Variants in CPLANE1 observed in about 807,000 individuals in gnomAD.
CPLANE1 encodes ciliogenesis and planar polarity effector complex subunit 1, also known as ciliogenesis and planar polarity effector 1.
In CPLANE1, 263 loss-of-function variants were observed where a neutral mutation model predicts 362.5. That is an observed-to-expected ratio of 0.73 (90% confidence interval 0.66 to 0.80). The LOEUF (loss-of-function observed/expected upper bound fraction) is 0.80. Among genes scored for constraint, CPLANE1 ranks in the 30% least tolerant of loss-of-function variants. The pLI, the probability that CPLANE1 is intolerant of heterozygous loss-of-function variation, is 0.00. For missense variants in CPLANE1, 3,461 were observed against 3,793.4 expected (o/e 0.91, Z 2.30); for synonymous variants, 1,212 against 1,302.6 (o/e 0.93, Z 1.50).
At chr5:37,147,178 A>G (rs1192317543) in intron 43 of CPLANE1, among the ~76,000 whole-genome samples, 1 of 152,224 alleles carries the variant, frequency 6.6e-6, no homozygotes, top group Non-Finnish European at 1.5e-5. Flanking sequence ...ATACACATAC[A>G]CTACATACAA....
the CPLANE1 span, among the ~76,000 whole-genome samples, chr5:37,092,118 G>A: frequency 8.5e-5 from 13 of 152,088 alleles, no homozygotes; most frequent in South Asian, 4.1e-4. Flanking sequence ...TCTTAGACCC[G>A]CCTTTCTTTC....
At position 37,187,725 on chromosome 5, in the gene CPLANE1, G is replaced by C. The variant is rs1341131480; in HGVS notation, c.3921+8C>G. On this transcript the variant is annotated splice_region_variant and intron_variant, in intron 22 of 52. Coordinates refer to ENST00000651892, the MANE Select transcript of CPLANE1 (RefSeq NM_001384732.1). ...GTTCATTTTTCTTATTTTTGCCCTG[G>C]TAAATACCTTTTCTCCTTTTACATT... The C allele has an allele frequency of 1.9e-6, 3 of 1,607,112 alleles. No homozygotes were observed. Among genetic ancestry groups the C allele is most frequent in the Non-Finnish European group, 2.6e-6 (3 of 1,175,352 alleles).
chr5:37,192,932 G>A (rs556949240), intron 21 of CPLANE1, among the ~76,000 whole-genome samples: 1 of 151,328 alleles, frequency 6.6e-6, no homozygotes, highest in Non-Finnish European at 1.5e-5. Context: ...ACTTTGGGAG[G>A]CCGAGGCAGG....
rs577856327 is a variant in CPLANE1, at chr5:37,132,431, A to G, written c.8792+6289T>C. On this transcript the variant is annotated intron_variant, in intron 46 of 52. Transcript: ENST00000651892. Reference sequence around the variant, plus strand: ...GCAATCTCGGCTCACTGCAAGCTCCACCTCCCAAGTTCACGCCATTCTCCT... The same window carrying G: ...GCAATCTCGGCTCACTGCAAGCTCCGCCTCCCAAGTTCACGCCATTCTCCT... Among the ~76,000 whole-genome samples, 148 of 132,336 alleles carry G rather than the reference A, an allele frequency of 1.1e-3. No individual in the cohort carries two copies. The Middle Eastern group carries it at 0.013, about 12-fold the overall frequency. The allele number at this position is 132,336 out of a possible 152,430, so 86.8% of individuals were successfully genotyped here.
Position 37,226,814 on chromosome 5 carries a change from A to T in CPLANE1, c.1781T>A (p.Met594Lys). ...ISKTVTEKNLMLNYIVVCITH... is the reference protein window; with the variant it reads ...ISKTVTEKNLKLNYIVVCITH... Reference sequence around the variant, plus strand: ...GATACAAACTACTATGTAATTTAACATTAAATTTTTTTCTGTCACAGTTTT... The same window carrying T: ...GATACAAACTACTATGTAATTTAACTTTAAATTTTTTTCTGTCACAGTTTT... Residue 594 changes from methionine (M) to lysine (K), a missense_variant, in exon 12 of 53, where the codon ATG (methionine) becomes AAG (lysine). Around this residue, in one of 2 missense-constraint regions of CPLANE1, gnomAD observed 3,380 missense variants for 3,666.1 expected, o/e 0.92. Coordinates refer to ENST00000651892, the MANE Select transcript of CPLANE1 (RefSeq NM_001384732.1). 1 of 1,549,930 alleles carries T rather than the reference A, an allele frequency of 6.5e-7. No individual in the cohort carries two copies. The highest frequency in any genetic ancestry group is 8.7e-7 in the Non-Finnish European group (1 of 1,146,334).
chr5:37,205,955 T>G (rs1016358473), intron 17 of CPLANE1, among the ~76,000 whole-genome samples: 2 of 152,228 alleles, frequency 1.3e-5, no homozygotes, highest in Non-Finnish European at 2.9e-5. Flanking sequence ...TGTGGCTATT[T>G]TAATTTAAAT....
At chr5:37,220,322 T>A (rs1795088471) in intron 15 of CPLANE1, among the ~76,000 whole-genome samples, 1 of 152,016 alleles carries the variant, frequency 6.6e-6, no homozygotes, top group Non-Finnish European at 1.5e-5. Flanking sequence ...GAAATTGCTA[T>A]CAACTCTGTT....
chr5:37,176,079 A>G, intron 30 of CPLANE1, 93 bp from the exon 31 acceptor site: 1 of 785,610 alleles, frequency 1.3e-6, no homozygotes. Context: ...CTAAGAGTCT[A>G]AACATCCTCT....
intron 42 of CPLANE1, among the ~76,000 whole-genome samples, chr5:37,151,824 G>A (rs1773641543): frequency 6.6e-6 from 1 of 152,004 alleles, no homozygotes; most frequent in African/African-American, 2.4e-5. Context: ...TGAGGTGGGA[G>A]GATCACTTGG....
chr5:37,142,150 C>T, intron 44 of CPLANE1, 160 bp downstream of exon 44: 1 of 1,243,254 alleles, frequency 8.0e-7, no homozygotes, highest in Non-Finnish European at 1.0e-6. Context: ...TGTCACAGTT[C>T]TTCATGTGAC....
intron 21 of CPLANE1, among the ~76,000 whole-genome samples, chr5:37,191,695 T>C (rs977357713): frequency 1.3e-5 from 2 of 152,042 alleles, no homozygotes; most frequent in African/African-American, 2.4e-5. Flanking sequence ...AATTAGCTGG[T>C]ACAGTGGCTT....
At chr5:37,224,078 A>G (rs931173200) in intron 14 of CPLANE1, among the ~76,000 whole-genome samples, 175 bp downstream of exon 14, 1 of 152,196 alleles carries the variant, frequency 6.6e-6, no homozygotes. Context: ...TGGCATTAGG[A>G]TATCATAAGC....
At chr5:37,087,520 G>A in the CPLANE1 span, among the ~76,000 whole-genome samples, 3 of 152,306 alleles carry the variant, frequency 2.0e-5, no homozygotes, top group South Asian at 2.1e-4. Context: ...GCAGTGGCGC[G>A]ATCTCGGCTC....
chr5:37,223,715 G>A (rs1237230154), intron 14 of CPLANE1, among the ~76,000 whole-genome samples: 2 of 152,088 alleles, frequency 1.3e-5, no homozygotes, highest in Non-Finnish European at 1.5e-5. Flanking sequence ...GCAATGATAC[G>A]TTTAACTTAC....
rs760244058 is a variant in CPLANE1 at position 37,182,910 on chromosome 5, C to A, written c.5271G>T (p.Arg1757Ser). ...CAGTTATACCAGAATCACAGAGTAG[C>A]CTTCTATTAGACCACCTTATCATCC... Reference protein sequence around the residue: ...LEWMIRWSNRRLLCDSGITES... With the variant: ...LEWMIRWSNRSLLCDSGITES... The change falls in exon 26 of 53, where the codon AGG becomes AGT. Residue 1757 changes from arginine to serine, a missense_variant. Arg to Ser is a moderately radical substitution (Grantham distance 110, BLOSUM62 -1). Around this residue, in one of 2 missense-constraint regions of CPLANE1, gnomAD observed 3,380 missense variants for 3,666.1 expected, o/e 0.92. Coordinates refer to ENST00000651892, the MANE Select transcript of CPLANE1 (RefSeq NM_001384732.1). The A allele has an allele frequency of 8.7e-6, 14 of 1,606,426 alleles. No homozygotes were observed. Among genetic ancestry groups the A allele is most frequent in the Non-Finnish European group, 1.2e-5 (14 of 1,177,348 alleles).
chr5:37,106,540 A>G lies in CPLANE1; in HGVS notation c.*1062T>C. On this transcript the variant is annotated 3_prime_UTR_variant, in exon 53 of 53. Transcript: ENST00000651892. Reference sequence around the variant, plus strand: ...AACAATTTAAAATATTTTAAATGACAAAACAATTAAATGACAATTAACAAT... The same window carrying G: ...AACAATTTAAAATATTTTAAATGACGAAACAATTAAATGACAATTAACAAT... 2.4e-6 allele frequency: 1 copy of G among 424,870 alleles called. No individual in the cohort carries two copies. The highest frequency in any genetic ancestry group is 2.1e-5 in the African/African-American group (1 of 47,070). The allele number at this position is 424,870 out of a possible 1,614,324, so 26.3% of individuals were successfully genotyped here.
the CPLANE1 span, among the ~76,000 whole-genome samples, chr5:37,094,352 A>C: frequency 6.6e-6 from 1 of 152,230 alleles, no homozygotes; most frequent in African/African-American, 2.4e-5. Context: ...GGTCAATGAA[A>C]TCAAGACTGA....
At position 37,186,329 on chromosome 5, in the gene CPLANE1, T is replaced by A. The variant is rs776405287; in HGVS notation, c.4146A>T (p.Lys1382Asn). Residue 1382 changes from lysine to asparagine, a missense_variant, in exon 24 of 53, where the codon AAA becomes AAT. By Grantham distance (94) the Lys-to-Asn change is moderately conservative (BLOSUM62 0). Around this residue, in one of 2 missense-constraint regions of CPLANE1, gnomAD observed 3,380 missense variants for 3,666.1 expected, o/e 0.92. Transcript: ENST00000651892. ...PEDVRVPLRD[K>N]YHSLHQRLRH... is the part of the protein sequence containing the mutation. ...TGAGTCTCTGGTGAAGAGAGTGATATTTGTCTCTTAAAGGAACCCTCACGT... is the reference window on the plus strand; with the variant it reads ...TGAGTCTCTGGTGAAGAGAGTGATAATTGTCTCTTAAAGGAACCCTCACGT... The A allele has an allele frequency of 1.2e-6, 2 of 1,605,184 alleles. No homozygotes were observed. The highest frequency in any genetic ancestry group is 3.3e-5 in the Admixed American group (2 of 59,978).
At chr5:37,121,972 C>T (rs1041624803) in intron 48 of CPLANE1, among the ~76,000 whole-genome samples, 188 bp from the exon 49 acceptor site, 6 of 151,882 alleles carry the variant, frequency 4.0e-5, no homozygotes, top group Non-Finnish European at 5.9e-5. Flanking sequence ...CTCCGCCTCC[C>T]GAGTTCAAGC....
Sources: gnomAD v4.1 joint callset for allele counts (sites outside exome capture counted in the v4.1 genomes callset) on GRCh38, gnomAD v4.1.1 for gene constraint, gnomAD v4.1.1 regional missense constraint, MANE v1.5 for transcripts, NCBI Gene and HGNC (gene_info 2026-07-23, HGNC 2026-07-21) for gene names.